The following AGMO variants were observed in gnomAD, a reference collection of about 807,000 sequenced individuals.
AGMO encodes glyceryl-ether monooxygenase.
In AGMO, 75 loss-of-function variants were observed where a neutral mutation model predicts 60.2. That is an observed-to-expected ratio of 1.25 (90% confidence interval 1.03 to 1.51). The LOEUF (loss-of-function observed/expected upper bound fraction) is 1.51. Ranked by LOEUF, AGMO falls within the 40% of genes most tolerant of loss-of-function variation. The probability of loss-of-function intolerance (pLI) is 0.00; values close to 1 mark genes in which losing one functional copy is unlikely to be tolerated. For synonymous variants in AGMO, 261 were observed against 177.1 expected, an observed-to-expected ratio of 1.47 and a Z score of -3.76; for missense variants, 763 against 525.5, an observed-to-expected ratio of 1.45 and a Z score of -4.42.
chr7:15,338,598 A>C (rs1002116945), intron 12 of AGMO, among the ~76,000 whole-genome samples: 1 of 152,148 alleles, frequency 6.6e-6, no homozygotes, highest in Non-Finnish European at 1.5e-5. Context: ...AGTTCCTAAA[A>C]ACTGAAACAA....
chr7:15,477,150 ACTT>A (rs1440370854), intron 3 of AGMO, among the ~76,000 whole-genome samples: 2 of 152,070 alleles, frequency 1.3e-5, no homozygotes, highest in Admixed American at 6.6e-5. Flanking sequence ...TACAAAGAGA[ACTT>A]CTCAAAATTG....
intron 3 of AGMO, among the ~76,000 whole-genome samples, chr7:15,501,808 G>A (rs62440668): frequency 6.6e-6 from 1 of 151,854 alleles, no homozygotes; most frequent in Admixed American, 6.6e-5. Flanking sequence ...CTGTCAAGAT[G>A]TAACAATCCA....
At chr7:15,121,733 T>G in the AGMO span, among the ~76,000 whole-genome samples, 3 of 152,020 alleles carry the variant, frequency 2.0e-5, 1 homozygote, top group South Asian at 6.2e-4. Context: ...AACTGATATA[T>G]AGACCAATGG....
chr7:15,250,837 C>T (rs1239476270), intron 12 of AGMO, among the ~76,000 whole-genome samples: 3 of 151,634 alleles, frequency 2.0e-5, no homozygotes, highest in East Asian at 1.9e-4. Context: ...CCCAGCTACT[C>T]GGGAGGCTGA....
chr7:15,244,463 C>T (rs1309869941), intron 12 of AGMO, among the ~76,000 whole-genome samples: 1 of 152,102 alleles, frequency 6.6e-6, no homozygotes, highest in Non-Finnish European at 1.5e-5. Flanking sequence ...TTACCCGACT[C>T]CTAATCCCTC....
chr7:15,252,791 C>T (rs1264933880), intron 12 of AGMO, among the ~76,000 whole-genome samples: 1 of 152,110 alleles, frequency 6.6e-6, no homozygotes, highest in East Asian at 1.9e-4. Flanking sequence ...ACACTCCACA[C>T]TTAAGCCATT....
At chr7:15,263,176 T>C (rs1003276725) in intron 12 of AGMO, among the ~76,000 whole-genome samples, 2 of 151,866 alleles carry the variant, frequency 1.3e-5, no homozygotes, top group Admixed American at 6.6e-5. Flanking sequence ...TCACAATCCA[T>C]ACACCTGACA....
chr7:15,354,355 G>C (rs116975618), intron 12 of AGMO, among the ~76,000 whole-genome samples: 5,405 of 49,776 alleles, frequency 0.11, 878 homozygotes, highest in African/African-American at 0.16. Flanking sequence ...CGTGTATATA[G>C]ACGTGTGTAT....
chr7:15,549,836 C>G (rs983299816), intron 2 of AGMO, among the ~76,000 whole-genome samples: 70 of 151,872 alleles, frequency 4.6e-4, no homozygotes, highest in African/African-American at 1.7e-3. Context: ...ATCTACAGAA[C>G]TCTCCACCCC....
chr7:15,505,435 G>A (rs557668388), intron 3 of AGMO, among the ~76,000 whole-genome samples: 15 of 152,022 alleles, frequency 9.9e-5, no homozygotes, highest in South Asian at 2.1e-4. Context: ...AAATCTGTGC[G>A]TACTCAGGCA....
At chr7:15,441,014 G>C (rs1781540989) in intron 3 of AGMO, among the ~76,000 whole-genome samples, 1 of 152,198 alleles carries the variant, frequency 6.6e-6, no homozygotes, top group Non-Finnish European at 1.5e-5. Context: ...CCTAGGCCAT[G>C]GGTCTGGCAA....
At chr7:15,342,172 T>A (rs1281487223) in intron 12 of AGMO, among the ~76,000 whole-genome samples, 4 of 54,310 alleles carry the variant, frequency 7.4e-5, no homozygotes, top group African/African-American at 2.8e-4. Context: ...CCCACAGAGT[T>A]AAAAAAAAAA....
chr7:15,262,596 C>T lies in AGMO; in HGVS notation c.1264-61237G>A, dbSNP rs564219081. 3.3e-5 allele frequency among the ~76,000 whole-genome samples: 5 copies of T among 151,708 alleles called. No homozygotes were observed. The South Asian group carries it at 8.3e-4, about 25-fold the overall frequency. On this transcript the variant is annotated intron_variant, in intron 12 of 12. Transcript: ENST00000342526. ...ATCAGAATACCATCATCATTCTTCA[C>T]AGAACTAAAAAAAAATCCAAAAATT... is the stretch of plus-strand genomic sequence containing the variant.
chr7:15,411,128 C>T (rs1179697766), intron 5 of AGMO, among the ~76,000 whole-genome samples: 1 of 151,736 alleles, frequency 6.6e-6, no homozygotes, highest in African/African-American at 2.4e-5. Flanking sequence ...AAATTTGCAC[C>T]CTATTTGCTC....
At chr7:15,143,955 T>C in the AGMO span, among the ~76,000 whole-genome samples, 1 of 152,190 alleles carries the variant, frequency 6.6e-6, no homozygotes, top group Non-Finnish European at 1.5e-5. Context: ...GCATTGTAAA[T>C]TATACATTTC....
At chr7:15,288,789 A>T (rs562496461) in intron 12 of AGMO, among the ~76,000 whole-genome samples, 1 of 151,258 alleles carries the variant, frequency 6.6e-6, no homozygotes, top group East Asian at 1.9e-4. Flanking sequence ...AAGAAAAACT[A>T]TGCATGGAGA....
intron 12 of AGMO, among the ~76,000 whole-genome samples, chr7:15,217,494 T>C (rs1453046065): frequency 1.3e-5 from 2 of 152,036 alleles, no homozygotes; most frequent in African/African-American, 4.8e-5. Flanking sequence ...GCAGGAAAGA[T>C]ATTATAAAGT....
rs146433017 is a variant in AGMO, at chr7:15,389,522, A to G, written c.822+1149T>C. ...AAATGCCATATAGTTGAGAAGAAAG[A>G]AGAGAGATAACCACCTTTCTTCTTT... On this transcript the variant is annotated intron_variant, in intron 8 of 12. Coordinates refer to ENST00000342526, the MANE Select transcript of AGMO (RefSeq NM_001004320.2). 8.5e-5 allele frequency among the ~76,000 whole-genome samples: 13 copies of G among 152,342 alleles called. 1 individual carries two copies. In the South Asian group the frequency reaches 2.1e-3, roughly 24 times the overall value.
chr7:15,238,637 AG>A (rs1363917659), intron 12 of AGMO, among the ~76,000 whole-genome samples: 3 of 151,716 alleles, frequency 2.0e-5, no homozygotes, highest in African/African-American at 7.2e-5. Context: ...TAAAACACAA[AG>A]GCAAAAAGGA....
Sources: gnomAD v4.1 joint callset for allele counts (sites outside exome capture counted in the v4.1 genomes callset) on GRCh38, gnomAD v4.1.1 for gene constraint, MANE v1.5 for transcripts, NCBI Gene and HGNC (gene_info 2026-07-23, HGNC 2026-07-21) for gene names.